COL26A1: variants seen among roughly 807,000 people sequenced by gnomAD.
The protein encoded by COL26A1 is collagen alpha-1(XXVI) chain.
Under a neutral mutation model 59.3 loss-of-function variants are expected in COL26A1, and 41 were observed. The observed-to-expected ratio is 0.69, with a 90% CI of 0.54 to 0.90. The LOEUF is 0.90. Ranked by LOEUF, COL26A1 falls within the 40% of genes least tolerant of loss-of-function variation. The probability of loss-of-function intolerance (pLI) is 0.00; values close to 1 mark genes in which losing one functional copy is unlikely to be tolerated. For synonymous variants in COL26A1, 266 were observed against 256.0 expected, an observed-to-expected ratio of 1.04 and a Z score of -0.37; for missense variants, 612 against 602.3, an observed-to-expected ratio of 1.02 and a Z score of -0.17.
In COL26A1 at chr7:101,498,809, C is replaced by T. The variant is rs1265852437; in HGVS notation, c.386-34273C>T. ...CAAAGGCTATTGTTGTTGGGAGACG[C>T]AGGCTGGAGAGGATTTCCCCAGGGT... is the stretch of plus-strand genomic sequence containing the variant. On this transcript the variant is annotated intron_variant, in intron 3 of 12. Coordinates refer to ENST00000313669, the MANE Select transcript of COL26A1 (RefSeq NM_001278563.3). 2.0e-5 allele frequency among the ~76,000 whole-genome samples: 3 copies of T among 152,284 alleles called. No homozygotes were observed. In the South Asian group the frequency reaches 6.2e-4, roughly 32 times the overall value.
At chr7:101,553,020 G>T (rs932318519) in intron 10 of COL26A1, among the ~76,000 whole-genome samples, 3 of 152,220 alleles carry the variant, frequency 2.0e-5, no homozygotes, top group Admixed American at 6.5e-5. Context: ...AATCCTGGAA[G>T]GGCCCAGGCA....
At chr7:101,520,627 GACACATACACAC>G (rs1318148759) in intron 3 of COL26A1, among the ~76,000 whole-genome samples, 5 of 88,958 alleles carry the variant, frequency 5.6e-5, no homozygotes, top group African/African-American at 3.3e-4. Context: ...GACAAGCACA[GACACATACACAC>G]ACACACACAC....
At chr7:101,433,386 G>A (rs1480687356) in intron 2 of COL26A1, among the ~76,000 whole-genome samples, 1 of 152,126 alleles carries the variant, frequency 6.6e-6, no homozygotes, top group Non-Finnish European at 1.5e-5. Context: ...AAATGGAGAA[G>A]GGATACTGGC....
chr7:101,459,345 C>T (rs1467466082), intron 3 of COL26A1, among the ~76,000 whole-genome samples: 1 of 152,168 alleles, frequency 6.6e-6, no homozygotes, highest in African/African-American at 2.4e-5. Context: ...TGTCACCAGG[C>T]TGGAGTGCAG....
In COL26A1 at chr7:101,424,949, A is replaced by G. The variant is rs140706889; in HGVS notation, c.281+4850A>G. Among the ~76,000 whole-genome samples, 297 of 152,076 alleles carry G rather than the reference A, an allele frequency of 2.0e-3. 2 individuals carry two copies. The highest frequency in any genetic ancestry group is 6.7e-3 in the African/African-American group (277 of 41,492). On this transcript the variant is annotated intron_variant, in intron 2 of 12. Coordinates refer to ENST00000313669, the MANE Select transcript of COL26A1 (RefSeq NM_001278563.3). ...TTTATTTTATTTTATAAGGGTCAGG[A>G]TCTCCCTTTGTCCCCCAGGCTGGAG...
At chr7:101,474,189 A>T (rs978419074) in intron 3 of COL26A1, among the ~76,000 whole-genome samples, 1 of 152,182 alleles carries the variant, frequency 6.6e-6, no homozygotes, top group Admixed American at 6.5e-5. Context: ...TGGTTAAGTG[A>T]TTGGATGAAG....
intron 3 of COL26A1, among the ~76,000 whole-genome samples, chr7:101,470,168 G>A (rs1429035278): frequency 1.3e-5 from 2 of 150,080 alleles, no homozygotes; most frequent in Non-Finnish European, 3.0e-5. Flanking sequence ...GCAGTGGTTC[G>A]ATCTCACTGC....
intron 3 of COL26A1, among the ~76,000 whole-genome samples, chr7:101,516,963 G>A (rs564827634): frequency 6.6e-6 from 1 of 152,194 alleles, no homozygotes; most frequent in Non-Finnish European, 1.5e-5. Context: ...ATTCATCCTT[G>A]GTGAAGGTCG....
chr7:101,553,138 GC>G (rs1795894670), intron 10 of COL26A1, 187 bp from the exon 11 acceptor site: 9 of 541,330 alleles, frequency 1.7e-5, no homozygotes, highest in Non-Finnish European at 3.0e-5. Flanking sequence ...AGCAGGCTGT[GC>G]CCCGGAGCCG....
chr7:101,404,860 C>T lies in COL26A1; in HGVS notation c.159-15117C>T, dbSNP rs189242405. ...GAGGTTGCAGTGAGCTGTGATCATG[C>T]CACTGCACCCCAGCCTGGGTCACAG... On this transcript the variant is annotated intron_variant, in intron 1 of 12. Transcript: ENST00000313669. 2.8e-4 allele frequency among the ~76,000 whole-genome samples: 42 copies of T among 152,290 alleles called. No homozygotes were observed. In the East Asian group the frequency reaches 7.3e-3, roughly 27 times the overall value.
At chr7:101,415,035 A>AT (rs1214897317) in intron 1 of COL26A1, among the ~76,000 whole-genome samples, 2 of 152,156 alleles carry the variant, frequency 1.3e-5, no homozygotes, top group East Asian at 3.9e-4. Context: ...AAGCTGTTAG[A>AT]TTCCTTTGTA....
chr7:101,526,038 C>A (rs1057378003), intron 3 of COL26A1, among the ~76,000 whole-genome samples: 5 of 151,938 alleles, frequency 3.3e-5, no homozygotes, highest in African/African-American at 9.7e-5. Flanking sequence ...TTTTCTTTTT[C>A]TTTTCTTTTC....
At chr7:101,480,165 TTC>T (rs1774872912) in intron 3 of COL26A1, among the ~76,000 whole-genome samples, 1 of 152,174 alleles carries the variant, frequency 6.6e-6, no homozygotes, top group South Asian at 2.1e-4. Flanking sequence ...AATATCCTCA[TTC>T]TCTCATTCTA....
At chr7:101,500,612 GTT>G (rs1398626530) in intron 3 of COL26A1, among the ~76,000 whole-genome samples, 2 of 152,114 alleles carry the variant, frequency 1.3e-5, no homozygotes. Context: ...GAGGTCAGGA[GTT>G]CGAGACCAGC....
At chr7:101,462,196 C>T (rs1308893971) in intron 3 of COL26A1, among the ~76,000 whole-genome samples, 1 of 152,052 alleles carries the variant, frequency 6.6e-6, no homozygotes, top group East Asian at 1.9e-4. Flanking sequence ...GATGGGGTTT[C>T]ACCATGTTGG....
In COL26A1 at chr7:101,557,736, T is replaced by G; in HGVS notation, c.*206T>G. 2.0e-6 allele frequency: 1 copy of G among 507,870 alleles called. No homozygotes were observed. The allele number at this position is 507,870 out of a possible 1,614,324, so 31.5% of individuals were successfully genotyped here. A position where few individuals can be genotyped will look rare whatever the true frequency, so the allele number is the denominator to read the frequency against. On this transcript the variant is annotated 3_prime_UTR_variant, in exon 13 of 13. Coordinates refer to ENST00000313669, the MANE Select transcript of COL26A1 (RefSeq NM_001278563.3). Reference sequence around the variant, plus strand: ...CCCTCATCAGAGCCCTCCTCTGGCCTGTCCCCTCCCCTACCCCCACTCCCG... The same window carrying G: ...CCCTCATCAGAGCCCTCCTCTGGCCGGTCCCCTCCCCTACCCCCACTCCCG...
At chr7:101,432,899 G>A (rs61084995) in intron 2 of COL26A1, among the ~76,000 whole-genome samples, 277 of 151,894 alleles carry the variant, frequency 1.8e-3, no homozygotes, top group African/African-American at 6.4e-3. Context: ...ACAGGGTTTC[G>A]CCATATTGGT....
At chr7:101,464,132 AT>A (rs1416453645) in intron 3 of COL26A1, among the ~76,000 whole-genome samples, 2 of 151,552 alleles carry the variant, frequency 1.3e-5, no homozygotes, top group East Asian at 3.9e-4. Context: ...TGCTTGGCAA[AT>A]TTTCAAATTT....
intron 1 of COL26A1, among the ~76,000 whole-genome samples, chr7:101,419,503 G>A (rs566809765): frequency 2.6e-5 from 4 of 152,056 alleles, no homozygotes; most frequent in Non-Finnish European, 5.9e-5. Context: ...TGCTGGCTTC[G>A]TCCCCTCTCA....
Sources: allele counts gnomAD v4.1 joint callset (sites outside exome capture counted in the v4.1 genomes callset), GRCh38; gene constraint gnomAD v4.1.1; transcripts MANE v1.5; gene names NCBI Gene and HGNC (gene_info 2026-07-23, HGNC 2026-07-21).